ACSL3: variants seen among roughly 807,000 people sequenced by gnomAD.
ACSL3 encodes the protein fatty acid CoA ligase Acsl3.
A neutral mutation model predicts 84.7 loss-of-function variants in ACSL3; 34 were observed. The observed-to-expected ratio is 0.40, with a 90% CI of 0.31 to 0.53. The LOEUF (loss-of-function observed/expected upper bound fraction) is 0.53. Among genes scored for constraint, ACSL3 ranks in the 20% least tolerant of loss-of-function variants. The pLI is 0.48. For synonymous variants in ACSL3, 315 were observed against 299.4 expected (o/e 1.05, Z -0.54); for missense variants, 680 against 873.1 (o/e 0.78, Z 2.79).
At chr2:222,881,300 G>T (rs561814405) in intron 1 of ACSL3, among the ~76,000 whole-genome samples, 1 of 152,322 alleles carries the variant, frequency 6.6e-6, no homozygotes, top group South Asian at 2.1e-4. Context: ...CAGGTGTGCA[G>T]TGGCACTTGC....
At chr2:222,900,939 T>C (rs1696130238) in intron 3 of ACSL3, among the ~76,000 whole-genome samples, 159 bp downstream of exon 3, 1 of 152,216 alleles carries the variant, frequency 6.6e-6, no homozygotes, top group Non-Finnish European at 1.5e-5. Context: ...TTCAACTTCG[T>C]CTCCTCCCAG....
At chr2:222,909,247 G>A (rs1043869770) in intron 4 of ACSL3, 97 bp downstream of exon 4, 15 of 1,243,010 alleles carry the variant, frequency 1.2e-5, no homozygotes, top group South Asian at 1.1e-4. Flanking sequence ...ATTAGAATTC[G>A]CTGTTGAAGG....
chr2:222,878,039 G>A (rs996870910), intron 1 of ACSL3, among the ~76,000 whole-genome samples: 1 of 152,176 alleles, frequency 6.6e-6, no homozygotes, highest in Non-Finnish European at 1.5e-5. Context: ...GAAAGATACT[G>A]TGCTTTATTC....
At chr2:222,884,524 G>A (rs972980917) in intron 1 of ACSL3, among the ~76,000 whole-genome samples, 2 of 152,144 alleles carry the variant, frequency 1.3e-5, no homozygotes, top group East Asian at 3.9e-4. Flanking sequence ...AGTTCTAGTG[G>A]CTGCTGGCAT....
At chr2:222,871,408 C>A (rs551932577) in intron 1 of ACSL3, among the ~76,000 whole-genome samples, 95 of 152,210 alleles carry the variant, frequency 6.2e-4, no homozygotes, top group Non-Finnish European at 7.8e-4. Context: ...GGAAAGTGAA[C>A]AAAGTTCTGG....
intron 2 of ACSL3, among the ~76,000 whole-genome samples, chr2:222,892,276 T>C (rs1695860068): frequency 1.3e-5 from 2 of 152,224 alleles, no homozygotes; most frequent in Admixed American, 6.5e-5. Context: ...CTGCTTTTTT[T>C]CGGGAGGGAG....
Position 222,930,739 on chromosome 2 carries a change from T to A in ACSL3, c.1659T>A (p.Asp553Glu). 6.2e-7 allele frequency: 1 copy of A among 1,614,172 alleles called. No individual in the cohort carries two copies. ...AAACAAAAGCTGATTTCTTTGAAGATGAAAATGGACAAAGGTGGCTCTGTA... is the reference window on the plus strand; with the variant it reads ...AAACAAAAGCTGATTTCTTTGAAGAAGAAAATGGACAAAGGTGGCTCTGTA... The part of the protein sequence containing the change: ...EAKTKADFFE[D>E]ENGQRWLCTG... Residue 553 changes from aspartate to glutamate, a missense_variant, in exon 14 of 17, where the codon GAT (aspartate) becomes GAA (glutamate). By Grantham distance (45) the Asp-to-Glu change is conservative. Coordinates refer to ENST00000357430, the MANE Select transcript of ACSL3 (RefSeq NM_004457.5).
chr2:222,862,893 A>G (rs747049292), intron 1 of ACSL3, among the ~76,000 whole-genome samples: 11 of 152,214 alleles, frequency 7.2e-5, no homozygotes, highest in Non-Finnish European at 4.4e-5. Context: ...GAAGGAAGAA[A>G]GGAAGAATGG....
At chr2:222,890,735 A>AGACTCTGG (rs1301118526) in intron 2 of ACSL3, among the ~76,000 whole-genome samples, 1 of 152,102 alleles carries the variant, frequency 6.6e-6, no homozygotes, top group Non-Finnish European at 1.5e-5. Context: ...TCTGCCTCCC[A>AGACTCTGG]GACTCTGGTG....
intron 1 of ACSL3, among the ~76,000 whole-genome samples, chr2:222,883,911 A>T (rs1695659331): frequency 6.6e-6 from 1 of 152,048 alleles, no homozygotes; most frequent in South Asian, 2.1e-4. Flanking sequence ...ACTTTTTCTT[A>T]TTTTTATTCC....
chr2:222,907,533 G>A (rs1378074674), intron 3 of ACSL3, among the ~76,000 whole-genome samples: 3 of 152,150 alleles, frequency 2.0e-5, no homozygotes, highest in Non-Finnish European at 2.9e-5. Context: ...GGCTCAGGTG[G>A]GAGAATTGCT....
chr2:222,877,526 G>A (rs1185680414), intron 1 of ACSL3, among the ~76,000 whole-genome samples: 1 of 152,110 alleles, frequency 6.6e-6, no homozygotes, highest in Non-Finnish European at 1.5e-5. Context: ...GTTTTTATTA[G>A]ATACTAACCT....
At position 222,932,131 on chromosome 2, in the gene ACSL3, C is replaced by G. The variant is rs541466145; in HGVS notation, c.1733-1035C>G. Among the ~76,000 whole-genome samples, 7 of 152,278 alleles carry G rather than the reference C, an allele frequency of 4.6e-5. No homozygotes were observed. In the South Asian group the frequency reaches 1.5e-3, roughly 32 times the overall value. On this transcript the variant is annotated intron_variant, in intron 14 of 16. Transcript: ENST00000357430. ...CAGGTTGGAGAGTCTTAACACTTAG[C>G]GCTACCATTGTAGTACCAATGTATT...
chr2:222,914,418 A>G (rs943713534), intron 4 of ACSL3, among the ~76,000 whole-genome samples: 1 of 151,994 alleles, frequency 6.6e-6, no homozygotes, highest in African/African-American at 2.4e-5. Context: ...CATGTACTGC[A>G]CGTCTGGCTA....
rs565320525 is a variant in ACSL3 at position 222,910,170 on chromosome 2, C to G, written c.378+1020C>G. ...ATGAGGAAAATTATAGTAGAAAATT[C>G]AATGAGGAAAATTAGATCGTGGAAT... is the stretch of plus-strand genomic sequence containing the variant. On this transcript the variant is annotated intron_variant, in intron 4 of 16. Coordinates refer to ENST00000357430, the MANE Select transcript of ACSL3 (RefSeq NM_004457.5). 2.0e-5 allele frequency among the ~76,000 whole-genome samples: 3 copies of G among 152,206 alleles called. No individual in the cohort carries two copies. In the South Asian group the frequency reaches 6.2e-4, roughly 32 times the overall value.
At position 222,930,045 on chromosome 2, in the gene ACSL3, C is replaced by T. The variant is rs141779393; in HGVS notation, c.1541-576C>T. Among the ~76,000 whole-genome samples, 470 of 150,656 alleles carry T rather than the reference C, an allele frequency of 3.1e-3. 2 individuals carry two copies. The highest frequency in any genetic ancestry group is 0.011 in the African/African-American group (435 of 41,056). On this transcript the variant is annotated intron_variant, in intron 13 of 16. Coordinates refer to ENST00000357430, the MANE Select transcript of ACSL3 (RefSeq NM_004457.5). ...CTGGGTTCAAGTGATTCTCCTGCCT[C>T]AGCCTCCCTAATAGCTGGGATTTCA...
intron 5 of ACSL3, chr2:222,917,383 T>A (rs1200138630): frequency 6.6e-6 from 1 of 152,248 alleles, no homozygotes; most frequent in Admixed American, 6.5e-5. Flanking sequence ...GCCACCGTGC[T>A]AGGCCTCCTA....
intron 5 of ACSL3, chr2:222,917,772 G>T (rs910809594): frequency 9.1e-6 from 2 of 220,608 alleles, no homozygotes; most frequent in African/African-American, 4.5e-5. Flanking sequence ...TCACAATGTG[G>T]TAGTCCCAGA....
intron 7 of ACSL3, among the ~76,000 whole-genome samples, chr2:222,920,014 C>T (rs1358096601): frequency 6.6e-6 from 1 of 151,886 alleles, no homozygotes; most frequent in Non-Finnish European, 1.5e-5. Flanking sequence ...AAGGACTAGT[C>T]AGAGAGGAAA....
Sources: gnomAD v4.1 joint callset for allele counts (sites outside exome capture counted in the v4.1 genomes callset) on GRCh38, gnomAD v4.1.1 for gene constraint, MANE v1.5 for transcripts, NCBI Gene and HGNC (gene_info 2026-07-23, HGNC 2026-07-21) for gene names.